The following NOC4L variants were observed in gnomAD, a reference collection of about 807,000 sequenced individuals.
The protein encoded by NOC4L is nucleolar complex associated 4 homolog, also known as nucleolar complex protein 4 homolog.
Under a neutral mutation model 62.8 loss-of-function variants are expected in NOC4L, and 40 were observed. The ratio of observed to expected loss-of-function variants is 0.64; its 90% CI spans 0.49 to 0.83. The LOEUF (loss-of-function observed/expected upper bound fraction) is 0.83, where lower values mean the gene tolerates loss of function less well. Among genes scored for constraint, NOC4L ranks in the 40% least tolerant of loss-of-function variants. The pLI is 0.00. For missense variants in NOC4L, 927 were observed against 701.9 expected, an observed-to-expected ratio of 1.32 and a Z score of -3.62; for synonymous variants, 433 against 299.8, an observed-to-expected ratio of 1.44 and a Z score of -4.59.
rs552153008 is a variant in NOC4L, at chr12:132,150,969, G to T, written c.902-12G>T. The T allele has an allele frequency of 8.7e-6, 14 of 1,600,088 alleles. No individual in the cohort carries two copies. The South Asian group carries it at 9.0e-5, about 10-fold the overall frequency. ...GTCACTGCAGCTCCAGCCTGTGTCT[G>T]TCTGTCTGCAGGGGGGGCCCTCAGC... On this transcript the variant is annotated splice_polypyrimidine_tract_variant and intron_variant, in intron 9 of 14. Transcript: ENST00000330579.
chr12:132,151,427 G>C, intron 11 of NOC4L, 57 bp from the exon 12 acceptor site: 1 of 1,601,492 alleles, frequency 6.2e-7, no homozygotes, highest in Non-Finnish European at 8.5e-7. Flanking sequence ...TGGGGCCAGG[G>C]GAGGGTGGTG....
At chr12:132,146,274 C>T (rs1052997943) in intron 3 of NOC4L, 23 of 455,918 alleles carry the variant, frequency 5.0e-5, no homozygotes, top group African/African-American at 8.0e-5. Context: ...CGGTATGTGG[C>T]TTCTTCCACT....
chr12:132,145,219 A>C (rs761775606), intron 2 of NOC4L, among the ~76,000 whole-genome samples: 11 of 152,096 alleles, frequency 7.2e-5, no homozygotes, highest in Non-Finnish European at 7.4e-5. Context: ...CCCTTTTGTA[A>C]TTTGATGTTG....
chr12:132,151,334 T>C lies in NOC4L; in HGVS notation c.1039T>C (p.Phe347Leu), dbSNP rs1191358856. The change falls in exon 11 of 15, where the codon TTC becomes CTC. Residue 347 changes from phenylalanine (F) to leucine (L), a missense_variant. Coordinates refer to ENST00000330579, the MANE Select transcript of NOC4L (RefSeq NM_024078.3). ...SVFHVKYRAR[F>L]FHLADLFLSS... ...CTTTCACGTCAAGTACCGCGCCCGC[T>C]TCTTCCACCTGGCTGACCTCTTCCT... is the stretch of plus-strand genomic sequence containing the variant. 6.2e-7 allele frequency: 1 copy of C among 1,611,386 alleles called. No homozygotes were observed. Among genetic ancestry groups the C allele is most frequent in the Non-Finnish European group, 8.5e-7 (1 of 1,179,948 alleles).
At chr12:132,146,228 T>C (rs758732622) in intron 3 of NOC4L, 10 of 455,856 alleles carry the variant, frequency 2.2e-5, no homozygotes, top group Admixed American at 1.4e-4. Flanking sequence ...TCAATGGGTT[T>C]GCTTTTTTTA....
intron 3 of NOC4L, chr12:132,146,459 T>C (rs1565958409): frequency 5.8e-5 from 25 of 428,408 alleles, no homozygotes; most frequent in Non-Finnish European, 1.1e-4. Flanking sequence ...TGATGTTTCT[T>C]TTGCTTGAAT....
intron 9 of NOC4L, 166 bp from the exon 10 acceptor site, chr12:132,150,815 C>T (rs938659054): frequency 3.0e-5 from 19 of 624,560 alleles, no homozygotes; most frequent in Non-Finnish European, 5.1e-5. Flanking sequence ...GCCTCCACCC[C>T]CCACTCCCCT....
In NOC4L at chr12:132,151,183, G is replaced by A. The variant is rs374070619; in HGVS notation, c.963-75G>A. On this transcript the variant is annotated intron_variant, in intron 10 of 14. Coordinates refer to ENST00000330579, the MANE Select transcript of NOC4L (RefSeq NM_024078.3). ...TCCCTGGGCGGGAGGAAGGGGCGCCGAGTGAGACCCTGGCCTTGGAGGCCT... is the reference window on the plus strand; with the variant it reads ...TCCCTGGGCGGGAGGAAGGGGCGCCAAGTGAGACCCTGGCCTTGGAGGCCT... 235 of 1,446,426 alleles carry A rather than the reference G, an allele frequency of 1.6e-4. No homozygotes were observed. In the East Asian group the frequency reaches 2.5e-3, roughly 16 times the overall value. The allele number at this position is 1,446,426 out of a possible 1,614,324, so 89.6% of individuals were successfully genotyped here.
intron 13 of NOC4L, 43 bp from the exon 14 acceptor site, chr12:132,152,040 CG>C: frequency 6.6e-7 from 1 of 1,519,220 alleles, no homozygotes. Flanking sequence ...GGGCACAGGG[CG>C]GGGGCCTGGG....
chr12:132,151,897 A>G, intron 13 of NOC4L, 77 bp downstream of exon 13: 2 of 1,436,602 alleles, frequency 1.4e-6, no homozygotes, highest in Non-Finnish European at 1.9e-6. Context: ...TCCCCGTGCC[A>G]CCTCCCGCAT....
At chr12:132,151,073 C>T (rs1398931345) in intron 10 of NOC4L, 32 bp downstream of exon 10, 9 of 1,581,006 alleles carry the variant, frequency 5.7e-6, no homozygotes, top group Non-Finnish European at 7.8e-6. Context: ...GGTCTTCTTC[C>T]CAGTCTGCCC....
chr12:132,145,072 C>G, intron 2 of NOC4L, 98 bp downstream of exon 2: 1 of 1,450,992 alleles, frequency 6.9e-7, no homozygotes, highest in Non-Finnish European at 9.2e-7. Flanking sequence ...TGGCACAGGC[C>G]GTGCAGGCTG....
At chr12:132,145,789 T>G in intron 3 of NOC4L, 124 bp downstream of exon 3, 1 of 648,640 alleles carries the variant, frequency 1.5e-6, no homozygotes, top group Non-Finnish European at 2.7e-6. Flanking sequence ...CATGGGAGCA[T>G]CACCCTGTGG....
intron 7 of NOC4L, 55 bp downstream of exon 7, chr12:132,148,161 G>T: frequency 6.3e-7 from 1 of 1,581,318 alleles, no homozygotes. Flanking sequence ...TGTGTGTGGG[G>T]TGCATGTGAG....
In NOC4L at chr12:132,144,577, C is replaced by G; in HGVS notation, c.89C>G (p.Ala30Gly). The G allele has an allele frequency of 6.6e-7, 1 of 1,523,674 alleles. No homozygotes were observed. Among genetic ancestry groups the G allele is most frequent in the Non-Finnish European group, 8.8e-7 (1 of 1,142,500 alleles). 94.4% of individuals were successfully genotyped at this position (1,523,674 alleles called of 1,614,324 possible). ...CTGGCGAGCCGCAGTGAGGCCAACG[C>G]CGTGTTCGACATCCTGGCCGTGCTG... is the stretch of plus-strand genomic sequence containing the variant. ...AVLASRSEAN[A>G]VFDILAVLQS... is the part of the protein sequence containing the mutation. The change falls in exon 1 of 15, where the codon GCC (alanine) becomes GGC (glycine). Residue 30 changes from alanine to glycine, a missense_variant. Ala to Gly is a moderately conservative substitution (Grantham distance 60). Coordinates refer to ENST00000330579, the MANE Select transcript of NOC4L (RefSeq NM_024078.3).
chr12:132,144,817 T>G (rs1174998288), intron 1 of NOC4L, 37 bp from the exon 2 acceptor site: 1 of 1,581,788 alleles, frequency 6.3e-7, no homozygotes, highest in Non-Finnish European at 8.6e-7. Flanking sequence ...AAGGTGACAG[T>G]TGGCGGCCGG....
At chr12:132,147,148 G>A (rs1897754125) in intron 3 of NOC4L, 133 bp from the exon 4 acceptor site, 11 of 573,864 alleles carry the variant, frequency 1.9e-5, no homozygotes, top group South Asian at 1.0e-4. Flanking sequence ...GGTGGCGTGT[G>A]GAGCAAGAGA....
chr12:132,151,443 T>C (rs775617451), intron 11 of NOC4L, 41 bp from the exon 12 acceptor site: 2 of 1,600,394 alleles, frequency 1.2e-6, no homozygotes, highest in African/African-American at 1.3e-5. Context: ...TGGTGGGGGC[T>C]AGCAGTCCGG....
chr12:132,145,572 C>T lies in NOC4L; in HGVS notation c.252C>T (p.Ala84=), dbSNP rs779261274. 7 of 1,612,660 alleles carry T rather than the reference C, an allele frequency of 4.3e-6. No homozygotes were observed. The South Asian group carries it at 6.6e-5, about 15-fold the overall frequency. ...ACCTGTCTGCAGGGTCCCAGGGAGC[C>T]ACACGGAAGTACAAGGTGTGGATGA... ...EEMVMTGSQG[A]TRKYKVWMRH... Residue 84 remains alanine, a synonymous_variant, in exon 3 of 15, where the codon GCC becomes GCT. Transcript: ENST00000330579.
Sources: allele counts gnomAD v4.1 joint callset (sites outside exome capture counted in the v4.1 genomes callset), GRCh38; gene constraint gnomAD v4.1.1; transcripts MANE v1.5; gene names NCBI Gene and HGNC (gene_info 2026-07-23, HGNC 2026-07-21).